PAN2: variants seen among roughly 807,000 people sequenced by gnomAD.
PAN2 encodes poly(A) specific ribonuclease subunit PAN2, also known as PAN2-PAN3 deadenylation complex catalytic subunit PAN2.
In PAN2, 68 loss-of-function variants were observed where a neutral mutation model predicts 133.3. That is an observed-to-expected ratio of 0.51 (90% CI 0.42 to 0.62). The LOEUF is 0.62. Among genes scored for constraint, PAN2 ranks in the 20% least tolerant of loss-of-function variants. The pLI, the probability that PAN2 is intolerant of heterozygous loss-of-function variation, is 0.00. For missense variants in PAN2, 1,042 were observed against 1,500.5 expected, an observed-to-expected ratio of 0.69 and a Z score of 5.05; for synonymous variants, 462 against 544.6, an observed-to-expected ratio of 0.85 and a Z score of 2.11.
In PAN2 at chr12:56,333,921, G is replaced by A. The variant is rs80317430; in HGVS notation, c.-174C>T. The A allele has an allele frequency of 0.046, 6,946 of 152,250 alleles. 226 individuals carry two copies. The highest frequency in any genetic ancestry group is 0.068 in the Non-Finnish European group (4,652 of 68,036). 9.4% of individuals were successfully genotyped at this position (152,250 alleles called of 1,614,324 possible). A position where few individuals can be genotyped will look rare whatever the true frequency, so the allele number is the denominator to read the frequency against. Reference sequence around the variant, plus strand: ...TGGAATTAGAACGAGTAGGGGGAGCGCAAGCGCTGTCAGCTCCGCGGGAAA... The same window carrying A: ...TGGAATTAGAACGAGTAGGGGGAGCACAAGCGCTGTCAGCTCCGCGGGAAA... On this transcript the variant is annotated 5_prime_UTR_variant, in exon 1 of 26. Coordinates refer to ENST00000440411, the MANE Select transcript of PAN2 (RefSeq NM_014871.6).
In PAN2 at chr12:56,324,389, C is replaced by T. The variant is rs1874889386; in HGVS notation, c.1833G>A (p.Arg611=). 13 of 1,614,176 alleles carry T rather than the reference C, an allele frequency of 8.1e-6. No individual in the cohort carries two copies. The highest frequency in any genetic ancestry group is 1.3e-5 in the African/African-American group (1 of 75,048). The change falls in exon 12 of 26, where the codon AGG becomes AGA. Residue 611 remains arginine (R), a synonymous_variant. Transcript: ENST00000440411. Reference sequence around the variant, plus strand: ...TGAAGCGATTCCACCTCTGAATGAGCCTGGCCAGATTGCCCTTGCCTGAGG... The same window carrying T: ...TGAAGCGATTCCACCTCTGAATGAGTCTGGCCAGATTGCCCTTGCCTGAGG... ...DEASGKGNLA[R]LIQRWNRFIL...
In PAN2 at chr12:56,317,529, G is replaced by T; in HGVS notation, c.*80C>A. On this transcript the variant is annotated 3_prime_UTR_variant, in exon 26 of 26. Coordinates refer to ENST00000440411, the MANE Select transcript of PAN2 (RefSeq NM_014871.6). The stretch of plus-strand genomic sequence containing the variant: ...CAGTACTGGAAGTGGACAAGGTATA[G>T]CCAACTTAGGAAGCCATCTCCCAGT... The T allele has an allele frequency of 8.0e-7, 1 of 1,255,618 alleles. No homozygotes were observed. The highest frequency in any genetic ancestry group is 1.2e-6 in the Non-Finnish European group (1 of 858,148). 77.8% of individuals were successfully genotyped at this position (1,255,618 alleles called of 1,614,324 possible).
At chr12:56,327,843 A>T (rs778195819) in intron 5 of PAN2, 152 bp downstream of exon 5, 1 of 1,395,474 alleles carries the variant, frequency 7.2e-7, no homozygotes, top group Non-Finnish European at 9.5e-7. Flanking sequence ...AAATAATCTC[A>T]TAGTAGAACA....
intron 2 of PAN2, among the ~76,000 whole-genome samples, chr12:56,330,147 C>T (rs890586032): frequency 6.6e-6 from 1 of 152,052 alleles, no homozygotes; most frequent in Non-Finnish European, 1.5e-5. Context: ...CTCTTTGTTC[C>T]CCTTTTTGGT....
Position 56,324,573 on chromosome 12 carries a change from G to A in PAN2, c.1728+8C>T. 4 of 1,613,776 alleles carry A rather than the reference G, an allele frequency of 2.5e-6. No individual in the cohort carries two copies. Among genetic ancestry groups the A allele is most frequent in the Non-Finnish European group, 2.5e-6 (3 of 1,179,840 alleles). On this transcript the variant is annotated splice_region_variant and intron_variant, in intron 11 of 25. Transcript: ENST00000440411. ...CCCCTTCCATTTTAAGTGTCTCCAAGTACTGACCTGGCAAGGGTCACCACG... is the reference window on the plus strand; with the variant it reads ...CCCCTTCCATTTTAAGTGTCTCCAAATACTGACCTGGCAAGGGTCACCACG...
In PAN2 at chr12:56,324,569, C is replaced by A; in HGVS notation, c.1728+12G>T. ...CCTTCCCCTTCCATTTTAAGTGTCTCCAAGTACTGACCTGGCAAGGGTCAC... is the reference window on the plus strand; with the variant it reads ...CCTTCCCCTTCCATTTTAAGTGTCTACAAGTACTGACCTGGCAAGGGTCAC... On this transcript the variant is annotated intron_variant, in intron 11 of 25. Transcript: ENST00000440411. 6.2e-7 allele frequency: 1 copy of A among 1,613,616 alleles called. No individual in the cohort carries two copies. Among genetic ancestry groups the A allele is most frequent in the South Asian group, 1.1e-5 (1 of 90,994 alleles).
At chr12:56,327,763 C>A in intron 5 of PAN2, 132 bp from the exon 6 acceptor site, 1 of 1,282,914 alleles carries the variant, frequency 7.8e-7, no homozygotes, top group African/African-American at 1.5e-5. Flanking sequence ...ACAGAAAAGG[C>A]AAACAGAGAA....
chr12:56,331,042 C>T lies in PAN2; in HGVS notation c.282+1771G>A, dbSNP rs533249158. ...CTTGAATTCCTGACCTCAGGTGATC[C>T]GCCTGCTTCGGCCTCCCAAAGTGCT... On this transcript the variant is annotated intron_variant, in intron 2 of 25. Transcript: ENST00000440411. Among the ~76,000 whole-genome samples the T allele has an allele frequency of 3.9e-5, 6 of 152,152 alleles. No homozygotes were observed. In the South Asian group the frequency reaches 6.2e-4, roughly 16 times the overall value.
rs951679146 is a variant in PAN2 at position 56,317,019 on chromosome 12, T to C, written c.*590A>G. On this transcript the variant is annotated 3_prime_UTR_variant, in exon 26 of 26. Coordinates refer to ENST00000440411, the MANE Select transcript of PAN2 (RefSeq NM_014871.6). Reference sequence around the variant, plus strand: ...AATTTTTAAAAAATGGAACAAAACTTGGGACAGGCAAGTGGGATGGAAGAC... The same window carrying C: ...AATTTTTAAAAAATGGAACAAAACTCGGGACAGGCAAGTGGGATGGAAGAC... 1.3e-5 allele frequency: 2 copies of C among 152,552 alleles called. No homozygotes were observed. Among genetic ancestry groups the C allele is most frequent in the African/African-American group, 4.8e-5 (2 of 41,428 alleles). 9.4% of individuals were successfully genotyped at this position (152,552 alleles called of 1,614,324 possible). A position where few individuals can be genotyped will look rare whatever the true frequency, so the allele number is the denominator to read the frequency against.
intron 9 of PAN2, 103 bp from the exon 10 acceptor site, chr12:56,325,231 G>A (rs73131007): frequency 0.016 from 25,086 of 1,573,034 alleles, 212 homozygotes; most frequent in Non-Finnish European, 0.019. Context: ...GGTCCAGGGT[G>A]GTAGTTGAAG....
At position 56,332,959 on chromosome 12, in the gene PAN2, A is replaced by G; in HGVS notation, c.136T>C (p.Leu46=). 1 of 1,614,166 alleles carries G rather than the reference A, an allele frequency of 6.2e-7. No individual in the cohort carries two copies. The highest frequency in any genetic ancestry group is 8.5e-7 in the Non-Finnish European group (1 of 1,180,034). The stretch of plus-strand genomic sequence containing the variant: ...GATTCCTGGACGGGAAGAGCCTCCA[A>G]GGCCACTCCCTCTGGGTCCAGCTCC... ...NVELDPEGVA[L]EALPVQESVH... The change falls in exon 2 of 26, where the codon TTG becomes CTG. Residue 46 remains leucine, a synonymous_variant. Coordinates refer to ENST00000440411, the MANE Select transcript of PAN2 (RefSeq NM_014871.6).
chr12:56,322,030 G>A (rs776637985), intron 20 of PAN2, 48 bp downstream of exon 20: 1 of 978,162 alleles, frequency 1.0e-6, no homozygotes, highest in South Asian at 1.4e-5. Flanking sequence ...TCACCCTGAA[G>A]CCCAATCTAA....
At chr12:56,322,267 T>C in intron 19 of PAN2, 99 bp from the exon 20 acceptor site, 1 of 1,068,378 alleles carries the variant, frequency 9.4e-7, no homozygotes, top group Admixed American at 2.0e-5. Context: ...GTTTTTGTTT[T>C]TTTTCAGGTG....
chr12:56,321,179 G>C (rs994822752), intron 20 of PAN2, among the ~76,000 whole-genome samples: 3 of 151,190 alleles, frequency 2.0e-5, no homozygotes, highest in Non-Finnish European at 2.9e-5. Flanking sequence ...TCCCGCCTCA[G>C]CTTCTCCAAT....
intron 2 of PAN2, among the ~76,000 whole-genome samples, chr12:56,330,602 G>A (rs1416073842): frequency 1.3e-5 from 2 of 151,276 alleles, no homozygotes; most frequent in Admixed American, 6.6e-5. Flanking sequence ...CTCGTGATCC[G>A]CCCGCCTCGG....
Position 56,323,159 on chromosome 12 carries a change from T to C in PAN2, c.2396A>G (p.Glu799Gly), listed in dbSNP as rs765184824. ...EGVLVCPSIE[E>G]LKNVWLPFSI... The stretch of plus-strand genomic sequence containing the variant: ...GAAAGGAAGCCAGACGTTCTTCAAC[T>C]CCTCAATGGAGGGACACACCAGCAC... The change falls in exon 17 of 26, where the codon GAG becomes GGG. Residue 799 changes from glutamate to glycine, a missense_variant. Coordinates refer to ENST00000440411, the MANE Select transcript of PAN2 (RefSeq NM_014871.6). 1 of 1,614,170 alleles carries C rather than the reference T, an allele frequency of 6.2e-7. No homozygotes were observed. The highest frequency in any genetic ancestry group is 8.5e-7 in the Non-Finnish European group (1 of 1,180,036).
Position 56,328,642 on chromosome 12 carries a change from C to T in PAN2, c.283-1G>A, listed in dbSNP as rs1875386795. ...GGCCAAAAAATGAAGTGGCATGGCCCTATAGAGGACAAAGACAACAGAGAC... is the reference window on the plus strand; with the variant it reads ...GGCCAAAAAATGAAGTGGCATGGCCTTATAGAGGACAAAGACAACAGAGAC... On this transcript the variant is annotated splice_acceptor_variant, in intron 2 of 25. Coordinates refer to ENST00000440411, the MANE Select transcript of PAN2 (RefSeq NM_014871.6). LOFTEE classifies it high-confidence loss of function. The T allele has an allele frequency of 1.9e-6, 3 of 1,613,734 alleles. No individual in the cohort carries two copies. The highest frequency in any genetic ancestry group is 2.5e-6 in the Non-Finnish European group (3 of 1,179,766).
At position 56,323,831 on chromosome 12, in the gene PAN2, G is replaced by A. The variant is rs1462808843; in HGVS notation, c.2148C>T (p.Asp716=). The change falls in exon 14 of 26, where the codon GAC becomes GAT. Residue 716 remains aspartate (D), a synonymous_variant. Coordinates refer to ENST00000440411, the MANE Select transcript of PAN2 (RefSeq NM_014871.6). ...CCGTGGGCTGGTACTTTTCACAGGT[G>A]TCACACCAGGCCTGTGTATTCTGGT... ...CLDQNTQAWC[D]TCEKYQPTIQ... 5 of 1,613,200 alleles carry A rather than the reference G, an allele frequency of 3.1e-6. No homozygotes were observed. The highest frequency in any genetic ancestry group is 1.3e-5 in the African/African-American group (1 of 74,926).
intron 15 of PAN2, 54 bp from the exon 16 acceptor site, chr12:56,323,438 G>A: frequency 6.2e-7 from 1 of 1,608,298 alleles, no homozygotes; most frequent in Non-Finnish European, 8.5e-7. Context: ...ATATATGGAG[G>A]TCAGAAGGGG....
Sources: gnomAD v4.1 joint callset for allele counts (sites outside exome capture counted in the v4.1 genomes callset) on GRCh38, gnomAD v4.1.1 for gene constraint, MANE v1.5 for transcripts, NCBI Gene and HGNC (gene_info 2026-07-23, HGNC 2026-07-21) for gene names.